Variants in CRYBA4 observed in about 807,000 individuals in gnomAD.
The protein encoded by CRYBA4 is crystallin beta A4, also known as beta-crystallin A4.
In CRYBA4, 30 loss-of-function variants were observed where a neutral mutation model predicts 31.7. The ratio of observed to expected loss-of-function variants is 0.95; its 90% CI spans 0.71 to 1.28. CRYBA4 has a LOEUF of 1.28. Among genes scored for constraint, CRYBA4 ranks in the 50% most tolerant of loss-of-function variants. CRYBA4 has a pLI of 0.00. For synonymous variants in CRYBA4, 102 were observed against 102.3 expected (o/e 1.00, Z 0.02); for missense variants, 225 against 260.7 (o/e 0.86, Z 0.94).
the CRYBA4 span, among the ~76,000 whole-genome samples, chr22:26,607,630 A>C: frequency 6.6e-6 from 1 of 151,706 alleles, no homozygotes; most frequent in Non-Finnish European, 1.5e-5. Flanking sequence ...AGAATCAAGG[A>C]AGATGCTGAA....
chr22:26,625,464 C>T lies in CRYBA4; in HGVS notation c.159-17C>T, dbSNP rs368450549. 20 of 1,613,440 alleles carry T rather than the reference C, an allele frequency of 1.2e-5. No homozygotes were observed. The African/African-American group carries it at 2.5e-4, about 20-fold the overall frequency. ...GGGGGACGCTTACCTCCTGCACACT[C>T]TACCCTCTGTCTGCAGGTGGGTGGG... is the stretch of plus-strand genomic sequence containing the variant. On this transcript the variant is annotated splice_polypyrimidine_tract_variant and intron_variant, in intron 3 of 5. Coordinates refer to ENST00000354760, the MANE Select transcript of CRYBA4 (RefSeq NM_001886.3).
the CRYBA4 span, among the ~76,000 whole-genome samples, chr22:26,614,711 G>A: frequency 3.9e-5 from 6 of 152,284 alleles, no homozygotes; most frequent in African/African-American, 1.4e-4. Flanking sequence ...AAGTAAATCG[G>A]CCAGTTGCGG....
At chr22:26,594,593 T>A in the CRYBA4 span, among the ~76,000 whole-genome samples, 1 of 152,160 alleles carries the variant, frequency 6.6e-6, no homozygotes, top group Middle Eastern at 3.4e-3. Context: ...AGCCAGTGCT[T>A]AGGGACACTC....
the CRYBA4 span, among the ~76,000 whole-genome samples, chr22:26,591,906 C>CACACAT: frequency 6.6e-6 from 1 of 151,588 alleles, no homozygotes; most frequent in African/African-American, 2.4e-5. Flanking sequence ...CACACACACA[C>CACACAT]ACACACACAC....
intron 5 of CRYBA4, among the ~76,000 whole-genome samples, chr22:26,629,286 TTTC>T: frequency 6.6e-6 from 1 of 152,022 alleles, no homozygotes; most frequent in South Asian, 2.1e-4. Context: ...CTTTTTTTTT[TTTC>T]TTTTTTTGGC....
At chr22:26,607,563 A>G in the CRYBA4 span, among the ~76,000 whole-genome samples, 25 of 148,280 alleles carry the variant, frequency 1.7e-4, no homozygotes, top group East Asian at 5.9e-4. Flanking sequence ...TCTTTGGGAA[A>G]AAAAAAAAAA....
upstream of CRYBA4, among the ~76,000 whole-genome samples, chr22:26,621,412 T>C (rs890854113): frequency 7.2e-5 from 11 of 152,210 alleles, no homozygotes; most frequent in East Asian, 3.8e-4. Context: ...TCCTTCCATC[T>C]CACTCTGTAC....
the CRYBA4 span, among the ~76,000 whole-genome samples, chr22:26,596,139 C>T: frequency 5.3e-5 from 8 of 152,186 alleles, no homozygotes; most frequent in Middle Eastern, 3.4e-3. Context: ...CTTGTTCTGT[C>T]GCCCAAGCTG....
the CRYBA4 span, among the ~76,000 whole-genome samples, chr22:26,597,109 G>T: frequency 2.0e-5 from 3 of 152,224 alleles, no homozygotes; most frequent in Admixed American, 2.0e-4. Flanking sequence ...CCAAGATTAT[G>T]TGAGGTGGTG....
At chr22:26,627,980 C>A (rs2145983774) in intron 4 of CRYBA4, among the ~76,000 whole-genome samples, 1 of 152,294 alleles carries the variant, frequency 6.6e-6, no homozygotes, top group Non-Finnish European at 1.5e-5. Context: ...CAGTGTAATG[C>A]CTCAGCTTAC....
At chr22:26,597,814 T>G in the CRYBA4 span, among the ~76,000 whole-genome samples, 5 of 152,220 alleles carry the variant, frequency 3.3e-5, no homozygotes, top group African/African-American at 4.8e-5. Context: ...CTTTATTGAT[T>G]AAATCAAGGA....
intron 3 of CRYBA4, among the ~76,000 whole-genome samples, chr22:26,623,623 A>G (rs1929611944): frequency 6.6e-6 from 1 of 152,180 alleles, no homozygotes; most frequent in Admixed American, 6.5e-5. Flanking sequence ...GGATCTAAAA[A>G]TGTCCCTCCC....
chr22:26,606,428 C>T, the CRYBA4 span, among the ~76,000 whole-genome samples: 26,956 of 152,132 alleles, frequency 0.18, 3,136 homozygotes, highest in East Asian at 0.38. Flanking sequence ...TATGACACAT[C>T]TCCATTTAGC....
At chr22:26,628,155 C>T (rs1929807469) in intron 4 of CRYBA4, 133 bp from the exon 5 acceptor site, 2 of 1,243,582 alleles carry the variant, frequency 1.6e-6, no homozygotes, top group Admixed American at 3.6e-5. Context: ...TACCTGTTGC[C>T]TTATTGCCCT....
the CRYBA4 span, chr22:26,596,679 C>T: frequency 1.3e-5 from 2 of 152,164 alleles, no homozygotes; most frequent in Admixed American, 1.3e-4. Context: ...TCAGGGGGCT[C>T]ATATGACTGT....
At chr22:26,605,153 A>C in the CRYBA4 span, among the ~76,000 whole-genome samples, 1 of 151,158 alleles carries the variant, frequency 6.6e-6, no homozygotes, top group Non-Finnish European at 1.5e-5. Flanking sequence ...CCCCCTGACC[A>C]CTCCCACCTC....
chr22:26,623,139 C>A, intron 2 of CRYBA4, 95 bp from the exon 3 acceptor site: 1 of 1,048,646 alleles, frequency 9.5e-7, no homozygotes, highest in South Asian at 1.3e-5. Flanking sequence ...TTTGCAATCC[C>A]TGCTTTACCT....
chr22:26,616,045 G>C, the CRYBA4 span: 1 of 957,222 alleles, frequency 1.0e-6, no homozygotes, highest in Non-Finnish European at 1.7e-6. Context: ...GGAGGAGTAA[G>C]AGGTGAAAGA....
At chr22:26,619,026 G>A (rs1400461140), upstream of CRYBA4, among the ~76,000 whole-genome samples, 1 of 152,152 alleles carries the variant, frequency 6.6e-6, no homozygotes, top group Non-Finnish European at 1.5e-5. Flanking sequence ...ACCACATCTT[G>A]TTCACCACTG....
Sources: gnomAD v4.1 joint callset for allele counts (sites outside exome capture counted in the v4.1 genomes callset) on GRCh38, gnomAD v4.1.1 for gene constraint, MANE v1.5 for transcripts, NCBI Gene and HGNC (gene_info 2026-07-23, HGNC 2026-07-21) for gene names.